Variants in CD99L2 observed in about 807,000 individuals in gnomAD.
CD99L2 encodes CD99 molecule like 2, also known as CD99 antigen-like protein 2.
CD99L2 carries 24 observed loss-of-function variants against 27.3 expected under a neutral mutation model. The observed-to-expected ratio is 0.88, with a 90% confidence interval of 0.64 to 1.24. The LOEUF is 1.24. Ranked by LOEUF, CD99L2 falls within the 50% of genes most tolerant of loss-of-function variation. The probability of loss-of-function intolerance (pLI) is 0.00; values close to 1 mark genes in which losing one functional copy is unlikely to be tolerated. For synonymous variants in CD99L2, 97 were observed against 87.9 expected (o/e 1.10, Z -0.58); for missense variants, 255 against 221.6 (o/e 1.15, Z -0.96).
intron 2 of CD99L2, among the ~76,000 whole-genome samples, chrX:150,817,514 A>T (rs1403317966): frequency 8.9e-6 from 1 of 112,152 alleles, no homozygotes; most frequent in Non-Finnish European, 1.9e-5. Flanking sequence ...AATGTGCATG[A>T]AGTTTTTCCA....
At chrX:150,867,754 G>T (rs1171689547) in intron 1 of CD99L2, among the ~76,000 whole-genome samples, 1 of 110,018 alleles carries the variant, frequency 9.1e-6, no homozygotes, top group Non-Finnish European at 1.9e-5. Flanking sequence ...CTAGCTGGGC[G>T]TGGTGGCATG....
intron 7 of CD99L2, among the ~76,000 whole-genome samples, chrX:150,779,353 T>C (rs1316182833): frequency 8.9e-6 from 1 of 112,030 alleles, no homozygotes; most frequent in Non-Finnish European, 1.9e-5. Context: ...ATGACAAAAA[T>C]GTGCTTCTCT....
At chrX:150,783,228 C>A (rs1292236048) in intron 7 of CD99L2, among the ~76,000 whole-genome samples, 1 of 110,635 alleles carries the variant, frequency 9.0e-6, no homozygotes, top group African/African-American at 3.3e-5. Flanking sequence ...GTGCAGCAAA[C>A]CACCATGGCA....
At chrX:150,803,993 A>G (rs1557420162) in intron 4 of CD99L2, among the ~76,000 whole-genome samples, 9 of 112,309 alleles carry the variant, frequency 8.0e-5, no homozygotes, top group Non-Finnish European at 5.6e-5. Flanking sequence ...TCAACAATGG[A>G]CAAGTCATCC....
chrX:150,894,731 G>A (rs1295084859), intron 1 of CD99L2, among the ~76,000 whole-genome samples: 1 of 110,534 alleles, frequency 9.0e-6, no homozygotes, highest in Non-Finnish European at 1.9e-5. Flanking sequence ...GGGACTACAG[G>A]CGCATGCCAC....
chrX:150,891,573 G>A (rs7880807), intron 1 of CD99L2, among the ~76,000 whole-genome samples: 33,173 of 110,617 alleles, frequency 0.3, 3,945 homozygotes, highest in African/African-American at 0.44. Flanking sequence ...GCAGATTGGC[G>A]GCCTGAATTC....
chrX:150,878,438 T>A (rs1233636875), intron 1 of CD99L2, among the ~76,000 whole-genome samples: 2 of 103,882 alleles, frequency 1.9e-5, no homozygotes, highest in African/African-American at 7.2e-5. Context: ...TGACAAGCAA[T>A]GTGAAAAATA....
chrX:150,807,638 T>G (rs932443834), intron 4 of CD99L2, among the ~76,000 whole-genome samples: 2 of 112,448 alleles, frequency 1.8e-5, no homozygotes, highest in Non-Finnish European at 3.8e-5. Flanking sequence ...TAATACTTGC[T>G]CAATATAAAA....
chrX:150,774,169 C>G (rs1425712442), intron 9 of CD99L2, among the ~76,000 whole-genome samples: 4 of 111,951 alleles, frequency 3.6e-5, no homozygotes, highest in African/African-American at 1.3e-4. Flanking sequence ...ATTTTAGTTA[C>G]CAACTAGTTT....
At chrX:150,838,918 T>G (rs57017206) in intron 1 of CD99L2, among the ~76,000 whole-genome samples, 765 of 31,560 alleles carry the variant, frequency 0.024, 1 homozygote, top group Non-Finnish European at 0.03. Context: ...AAAAAAAAAA[T>G]GGGGGGGGGG....
At chrX:150,863,506 G>A (rs1456350410) in intron 1 of CD99L2, among the ~76,000 whole-genome samples, 1 of 112,255 alleles carries the variant, frequency 8.9e-6, no homozygotes, top group East Asian at 2.8e-4. Context: ...TTGTAGCAAT[G>A]GCTCCAAGAG....
rs369555905 is a variant in CD99L2 at position 150,770,368 on chromosome X, C to G, written c.657G>C (p.Gln219His). 22 of 1,209,335 alleles carry G rather than the reference C, an allele frequency of 1.8e-5. No homozygotes were observed. The highest frequency in any genetic ancestry group is 1.3e-4 in the Admixed American group (6 of 45,894). Reference protein sequence around the residue: ...QQKKFCFSIQQGLNADYVKGE... With the variant: ...QQKKFCFSIQHGLNADYVKGE... ...CCTTCACGTAGTCTGCGTTGAGACC[C>G]TCTGCAAAGGGAAAAGGGCAGAGTT... Residue 219 changes from glutamine to histidine, a missense_variant and splice_region_variant, in exon 10 of 11, where the codon CAG becomes CAC. Physicochemically the swap from Gln to His is conservative, Grantham distance 24. Transcript: ENST00000370377.
intron 1 of CD99L2, among the ~76,000 whole-genome samples, chrX:150,840,067 G>A (rs2046598490): frequency 9.1e-6 from 1 of 109,505 alleles, no homozygotes; most frequent in Non-Finnish European, 1.9e-5. Context: ...TGGGCATGGA[G>A]GCACATGCTT....
chrX:150,882,769 T>C (rs928148958), intron 1 of CD99L2, among the ~76,000 whole-genome samples: 2 of 112,351 alleles, frequency 1.8e-5, no homozygotes, highest in Non-Finnish European at 3.8e-5. Flanking sequence ...AATGGCAAAA[T>C]AGATTATTTG....
intron 4 of CD99L2, among the ~76,000 whole-genome samples, chrX:150,800,416 C>T (rs781878324): frequency 1.8e-5 from 2 of 111,217 alleles, no homozygotes; most frequent in African/African-American, 6.5e-5. Context: ...GAACAAAAAA[C>T]AAAAAATAAT....
At chrX:150,862,840 G>GAA (rs1450479511) in intron 1 of CD99L2, among the ~76,000 whole-genome samples, 2 of 105,479 alleles carry the variant, frequency 1.9e-5, no homozygotes, top group African/African-American at 3.6e-5. Context: ...AAGAGAAAGA[G>GAA]AGAGAGAGAG....
chrX:150,830,259 G>A (rs1216872012), intron 2 of CD99L2, among the ~76,000 whole-genome samples: 1 of 111,192 alleles, frequency 9.0e-6, no homozygotes, highest in African/African-American at 3.3e-5. Context: ...TCCATTTTAA[G>A]AAAAGCCATG....
rs149143325 is a variant in CD99L2, at chrX:150,822,159, T to C, written c.131-6081A>G. On this transcript the variant is annotated intron_variant, in intron 2 of 10. Transcript: ENST00000370377. ...TGAGTGGATAAACAAAATTGTGGTA[T>C]GTCTACACAATGGAGTATTACTTAG... Among the ~76,000 whole-genome samples, 14 of 112,573 alleles carry C rather than the reference T, an allele frequency of 1.2e-4. No homozygotes were observed. In the East Asian group the frequency reaches 3.9e-3, roughly 31 times the overall value.
intron 2 of CD99L2, among the ~76,000 whole-genome samples, chrX:150,823,948 T>G (rs1376956067): frequency 9.5e-6 from 1 of 105,052 alleles, no homozygotes; most frequent in Admixed American, 1.1e-4. Flanking sequence ...AAGTCTAGCC[T>G]AGGCAACATA....
Sources: gnomAD v4.1 joint callset for allele counts (sites outside exome capture counted in the v4.1 genomes callset) on GRCh38, gnomAD v4.1.1 for gene constraint, MANE v1.5 for transcripts, NCBI Gene and HGNC (gene_info 2026-07-23, HGNC 2026-07-21) for gene names.